CR1: variants seen among roughly 807,000 people sequenced by gnomAD.
CR1 encodes the protein complement C3b/C4b receptor 1 (Knops blood group), also known as complement receptor type 1.
In CR1, 116 loss-of-function variants were observed where a neutral mutation model predicts 187.3. The ratio of observed to expected loss-of-function variants is 0.62; its 90% CI spans 0.53 to 0.72. CR1 has a LOEUF of 0.72. Ranked by LOEUF, CR1 falls within the 30% of genes least tolerant of loss-of-function variation. The probability of loss-of-function intolerance (pLI) is 0.00; values close to 1 mark genes in which losing one functional copy is unlikely to be tolerated. For synonymous variants in CR1, 576 were observed against 747.1 expected, an observed-to-expected ratio of 0.77 and a Z score of 3.73; for missense variants, 1,731 against 2,110.7, an observed-to-expected ratio of 0.82 and a Z score of 3.52.
intron 4 of CR1, among the ~76,000 whole-genome samples, chr1:207,512,066 G>T (rs1659641419): frequency 6.6e-6 from 1 of 152,132 alleles, no homozygotes; most frequent in Non-Finnish European, 1.5e-5. Context: ...CTCTTGAAAG[G>T]CCCCATGCAC....
chr1:207,618,256 T>C lies in CR1; in HGVS notation c.7066+9T>C, dbSNP rs1662207966. 3.1e-6 allele frequency: 5 copies of C among 1,612,350 alleles called. No homozygotes were observed. The highest frequency in any genetic ancestry group is 3.4e-6 in the Non-Finnish European group (4 of 1,178,858). ...GGATCATTATTGCAAAGGTGACTTA[T>C]TTCTTGGTATTCCTTATTCTTGCTG... On this transcript the variant is annotated intron_variant, in intron 42 of 46. Coordinates refer to ENST00000367049, the MANE Select transcript of CR1 (RefSeq NM_000651.6).
intron 35 of CR1, among the ~76,000 whole-genome samples, chr1:207,590,223 A>C (rs1661231484): frequency 6.6e-6 from 1 of 152,252 alleles, no homozygotes; most frequent in African/African-American, 2.4e-5. Context: ...AGGTCGGGTT[A>C]CCTACAAAGG....
intron 45 of CR1, among the ~76,000 whole-genome samples, chr1:207,624,761 TG>T (rs367709831): frequency 2.8e-4 from 43 of 152,358 alleles, no homozygotes; most frequent in African/African-American, 9.4e-4. Context: ...AAAGTACTTG[TG>T]TCAATACATT....
chr1:207,595,431 C>A (rs914800005), intron 35 of CR1, among the ~76,000 whole-genome samples: 1 of 152,120 alleles, frequency 6.6e-6, no homozygotes, highest in African/African-American at 2.4e-5. Flanking sequence ...CCCGGCCCTA[C>A]ATGGAAGAAA....
At chr1:207,496,504 G>A in intron 1 of CR1, 116 bp downstream of exon 1, 1 of 1,097,542 alleles carries the variant, frequency 9.1e-7, no homozygotes, top group Non-Finnish European at 1.2e-6. Flanking sequence ...TCCGAAGGCA[G>A]CGCGATGGGT....
Position 207,517,305 on chromosome 1 carries a change from C to T in CR1, c.487+5651C>T, listed in dbSNP as rs77325832. ...GCGTGTGTGTGTGTGCAGGATTGCT[C>T]ATATTTTTATTGTAACATTGTAACA... On this transcript the variant is annotated intron_variant, in intron 4 of 46. Transcript: ENST00000367049. 2.6e-3 allele frequency among the ~76,000 whole-genome samples: 390 copies of T among 152,078 alleles called. 2 individuals are homozygous for T. The highest frequency in any genetic ancestry group is 4.6e-3 in the Non-Finnish European group (312 of 67,914).
At position 207,611,669 on chromosome 1, in the gene CR1, T is replaced by C; in HGVS notation, c.6296-8T>C. On this transcript the variant is annotated splice_region_variant and splice_polypyrimidine_tract_variant and intron_variant, in intron 37 of 46. Transcript: ENST00000367049. ...CTAACAAGTGCTCTGGAACTGTCCT[T>C]TCCACAGTGTGTCAGCCGCCTCCAG... 4 of 1,613,662 alleles carry C rather than the reference T, an allele frequency of 2.5e-6. No individual in the cohort carries two copies. Among genetic ancestry groups the C allele is most frequent in the Non-Finnish European group, 3.4e-6 (4 of 1,179,660 alleles).
chr1:207,565,844 A>G lies in CR1; in HGVS notation c.3873A>G (p.Gln1291=). Residue 1291 remains glutamine (Q), a synonymous_variant, in exon 24 of 47, where the codon CAA becomes CAG. Transcript: ENST00000367049. ...CTCCTATTTTCTTCTTTAGATTTCA[A>G]TTAAAAGGCAGCTCTGCTAGTTATT... ...KVDFVCDEGF[Q]LKGSSASYCV... The G allele has an allele frequency of 6.8e-6, 11 of 1,610,722 alleles. No homozygotes were observed. Among genetic ancestry groups the G allele is most frequent in the Non-Finnish European group, 9.3e-6 (11 of 1,179,674 alleles).
In CR1 at chr1:207,523,902, A is replaced by G. The variant is rs934714738; in HGVS notation, c.779A>G (p.Glu260Gly). The change falls in exon 5 of 47, where the codon GAA becomes GGA. Residue 260 changes from glutamate (E) to glycine (G), a missense_variant. By Grantham distance (98) the Glu-to-Gly change is moderately conservative. Transcript: ENST00000367049. ...SDNRSLFSLNEVVEFRCQPGF... is the reference protein window; with the variant it reads ...SDNRSLFSLNGVVEFRCQPGF... ...AACAGAAGCTTATTTTCCTTAAATG[A>G]AGTTGTGGAGTTTAGGTGTCAGCCT... The G allele has an allele frequency of 1.9e-6, 3 of 1,610,164 alleles. No homozygotes were observed. In the African/African-American group the frequency reaches 4.0e-5, roughly 22 times the overall value.
Position 207,584,788 on chromosome 1 carries a change from G to A in CR1, c.5442G>A (p.Gly1814=), listed in dbSNP as rs1266292153. 1 of 1,613,914 alleles carries A rather than the reference G, an allele frequency of 6.2e-7. No individual in the cohort carries two copies. Among genetic ancestry groups the A allele is most frequent in the Admixed American group, 1.7e-5 (1 of 60,014 alleles). Residue 1814 remains glycine (G), a synonymous_variant, in exon 33 of 47, where the codon GGG becomes GGA. Coordinates refer to ENST00000367049, the MANE Select transcript of CR1 (RefSeq NM_000651.6). ...PDRGMTFNLI[G]ESTIRCTSDP... ...GAGGGATGACCTTCAACCTCATTGGGGAGAGCACCATCCGCTGCACAAGTG... is the reference window on the plus strand; with the variant it reads ...GAGGGATGACCTTCAACCTCATTGGAGAGAGCACCATCCGCTGCACAAGTG...
intron 42 of CR1, 94 bp downstream of exon 42, chr1:207,618,341 AG>A: frequency 8.5e-7 from 1 of 1,171,648 alleles, no homozygotes; most frequent in South Asian, 1.7e-5. Flanking sequence ...GCTTAATGAA[AG>A]GGATAATATT....
intron 35 of CR1, chr1:207,600,987 G>A (rs1456294622): frequency 1.3e-5 from 2 of 151,898 alleles, no homozygotes; most frequent in East Asian, 3.9e-4. Flanking sequence ...TTTGTTACTT[G>A]ACAGGAAAAA....
At chr1:207,603,208 G>C (rs1048573679) in intron 35 of CR1, among the ~76,000 whole-genome samples, 39 of 151,992 alleles carry the variant, frequency 2.6e-4, no homozygotes, top group African/African-American at 8.9e-4. Context: ...AGGTGGGTTT[G>C]ATACCCACCT....
intron 33 of CR1, among the ~76,000 whole-genome samples, chr1:207,587,050 G>T (rs1661132349): frequency 6.6e-6 from 1 of 152,170 alleles, no homozygotes; most frequent in Non-Finnish European, 1.5e-5. Context: ...GAGTGAATTA[G>T]CACAAACACA....
chr1:207,631,982 T>A (rs927549573), intron 46 of CR1, among the ~76,000 whole-genome samples: 5 of 152,202 alleles, frequency 3.3e-5, no homozygotes, highest in African/African-American at 1.2e-4. Context: ...CAGAGGACAG[T>A]GGAAGGGGCC....
At chr1:207,603,438 T>A (rs948935106) in intron 35 of CR1, among the ~76,000 whole-genome samples, 21 of 152,150 alleles carry the variant, frequency 1.4e-4, no homozygotes, top group African/African-American at 5.1e-4. Context: ...CTAGGCTCTT[T>A]CCCTAGGACT....
In CR1 at chr1:207,613,115, T is replaced by A. The variant is rs539568291; in HGVS notation, c.6575+1074T>A. ...GTACCTGCGTTTGGTGGGTCCTGAG[T>A]TGTTGTCCCGCATCCAAGAAGAACA... On this transcript the variant is annotated intron_variant, in intron 39 of 46. Transcript: ENST00000367049. 1.1e-4 allele frequency among the ~76,000 whole-genome samples: 16 copies of A among 152,188 alleles called. No individual in the cohort carries two copies. The South Asian group carries it at 3.3e-3, about 32-fold the overall frequency.
chr1:207,633,935 C>T (rs1056817793), intron 46 of CR1, among the ~76,000 whole-genome samples: 2 of 151,994 alleles, frequency 1.3e-5, no homozygotes, highest in African/African-American at 2.4e-5. Context: ...TGTTCTCTGG[C>T]GGGCAGAAGT....
intron 46 of CR1, among the ~76,000 whole-genome samples, chr1:207,635,413 G>A (rs1662782765): frequency 6.6e-6 from 1 of 152,178 alleles, no homozygotes; most frequent in Admixed American, 6.5e-5. Flanking sequence ...AGAATTAACT[G>A]CTGTGCTTTA....
Sources: allele counts gnomAD v4.1 joint callset (sites outside exome capture counted in the v4.1 genomes callset), GRCh38; gene constraint gnomAD v4.1.1; transcripts MANE v1.5; gene names NCBI Gene and HGNC (gene_info 2026-07-23, HGNC 2026-07-21).